The following USP46 variants were observed in gnomAD, a reference collection of about 807,000 sequenced individuals.
USP46 encodes ubiquitin carboxyl-terminal hydrolase 46.
A neutral mutation model predicts 44.4 loss-of-function variants in USP46; 12 were observed. The ratio of observed to expected loss-of-function variants is 0.27; its 90% confidence interval spans 0.17 to 0.44. The LOEUF is 0.44. USP46 is among the 20% of genes least tolerant of loss of function. The pLI is 1.00. For synonymous variants in USP46, 155 were observed against 161.5 expected (o/e 0.96, Z 0.31); for missense variants, 248 against 444.8 (o/e 0.56, Z 3.98).
At chr4:52,610,026 C>G (rs1055403495) in intron 5 of USP46, among the ~76,000 whole-genome samples, 40 of 142,038 alleles carry the variant, frequency 2.8e-4, no homozygotes, top group African/African-American at 1.0e-3. Context: ...CCCGGGTTCA[C>G]GCCATTCTCC....
rs763219440 is a variant in USP46, at chr4:52,625,500, C to T, written c.561+518G>A. Among the ~76,000 whole-genome samples, 104 of 152,260 alleles carry T rather than the reference C, an allele frequency of 6.8e-4. 1 individual carries two copies. Among genetic ancestry groups the T allele is most frequent in the Middle Eastern group, 6.8e-3 (2 of 294 alleles). ...AAATTCAATTAACATTATGTACCTA[C>T]CATGTGTCAGACCCATCCAAACACA... On this transcript the variant is annotated intron_variant, in intron 4 of 8. Transcript: ENST00000441222.
At position 52,635,080 on chromosome 4, in the gene USP46, C is replaced by CTT. The variant is rs74931782; in HGVS notation, c.37-3938_37-3937dup. Among the ~76,000 whole-genome samples, 109 of 135,402 alleles carry CTT rather than the reference C, an allele frequency of 8.1e-4. 3 individuals carry two copies. The highest frequency in any genetic ancestry group is 2.6e-3 in the East Asian group (12 of 4,672). The allele number at this position is 135,402 out of a possible 152,430, so 88.8% of individuals were successfully genotyped here. On this transcript the variant is annotated intron_variant, in intron 1 of 8. Transcript: ENST00000441222. ...TGTCAGCTGGCTGCTTCTACTTCTT[C>CTT]TTTTTTTTTTTTTTTTTGCCTCCTT...
At chr4:52,649,887 A>C (rs1288209378) in intron 1 of USP46, among the ~76,000 whole-genome samples, 1 of 152,196 alleles carries the variant, frequency 6.6e-6, no homozygotes, top group Admixed American at 6.5e-5. Flanking sequence ...CAACTGTGGC[A>C]CTTAAAATAC....
At chr4:52,602,758 T>C (rs1308604332) in intron 6 of USP46, among the ~76,000 whole-genome samples, 1 of 152,244 alleles carries the variant, frequency 6.6e-6, no homozygotes, top group Non-Finnish European at 1.5e-5. Context: ...GAAGATCCTA[T>C]GTGTACATTA....
At chr4:52,598,798 G>GA (rs534147836) in intron 7 of USP46, 92 bp from the exon 8 acceptor site, 187 of 1,223,750 alleles carry the variant, frequency 1.5e-4, no homozygotes, top group Admixed American at 5.4e-4. Context: ...GATTCTCTGG[G>GA]AAAAAAAACT....
intron 4 of USP46, among the ~76,000 whole-genome samples, chr4:52,613,507 T>C (rs1020029886): frequency 2.0e-5 from 3 of 151,880 alleles, no homozygotes; most frequent in African/African-American, 7.3e-5. Context: ...GTGAATCACA[T>C]GGTCAGGAGT....
intron 5 of USP46, among the ~76,000 whole-genome samples, chr4:52,610,075 G>A (rs550581076): frequency 6.0e-5 from 9 of 149,386 alleles, no homozygotes; most frequent in Non-Finnish European, 4.5e-5. Flanking sequence ...ACAGGCGCGC[G>A]CCACCATGCC....
At chr4:52,638,141 G>A (rs1464405418) in intron 1 of USP46, among the ~76,000 whole-genome samples, 1 of 152,202 alleles carries the variant, frequency 6.6e-6, no homozygotes, top group African/African-American at 2.4e-5. Context: ...ACCTTGAGAT[G>A]GGGAGATTAT....
chr4:52,642,092 G>A (rs1441039065), intron 1 of USP46, among the ~76,000 whole-genome samples: 1 of 152,144 alleles, frequency 6.6e-6, no homozygotes, highest in African/African-American at 2.4e-5. Flanking sequence ...GTCTTATGAA[G>A]AAAGTGAAGC....
At chr4:52,598,490 G>T in intron 8 of USP46, 138 bp downstream of exon 8, 1 of 830,966 alleles carries the variant, frequency 1.2e-6, no homozygotes, top group South Asian at 1.6e-5. Context: ...AGCAGAATTT[G>T]GTTTTGAATA....
intron 2 of USP46, among the ~76,000 whole-genome samples, chr4:52,630,631 G>A (rs1008972427): frequency 5.9e-5 from 9 of 151,794 alleles, no homozygotes; most frequent in East Asian, 3.9e-4. Flanking sequence ...CCAGCTACTC[G>A]GGAGGCTGAG....
chr4:52,612,091 G>T (rs1716957651), intron 4 of USP46, among the ~76,000 whole-genome samples: 1 of 152,178 alleles, frequency 6.6e-6, no homozygotes, highest in South Asian at 2.1e-4. Context: ...TAATACATGT[G>T]AAGTGCTTTA....
rs1452514783 is a variant in USP46 at position 52,593,159 on chromosome 4, TA to T, written c.*4480del. On this transcript the variant is annotated 3_prime_UTR_variant, in exon 9 of 9. Transcript: ENST00000441222. ...CTTCATTTTTTTAGTAAAGGTATTTTAAGTATCAATAAAAAGAGAGGAAAGG... is the reference window on the plus strand; with the variant it reads ...CTTCATTTTTTTAGTAAAGGTATTTTAGTATCAATAAAAAGAGAGGAAAGG... 2.6e-6 allele frequency: 1 copy of T among 386,330 alleles called. No individual in the cohort carries two copies. Among genetic ancestry groups the T allele is most frequent in the African/African-American group, 2.1e-5 (1 of 48,360 alleles). The allele number at this position is 386,330 out of a possible 1,614,324, so 23.9% of individuals were successfully genotyped here.
chr4:52,657,415 G>A (rs1273398525), intron 1 of USP46, among the ~76,000 whole-genome samples: 1 of 152,140 alleles, frequency 6.6e-6, no homozygotes, highest in Non-Finnish European at 1.5e-5. Context: ...TCCTCTAGGG[G>A]CATGCTAGCT....
At chr4:52,622,590 C>T (rs1051950978) in intron 4 of USP46, among the ~76,000 whole-genome samples, 2 of 152,070 alleles carry the variant, frequency 1.3e-5, no homozygotes, top group South Asian at 2.1e-4. Context: ...TATCCCTGTC[C>T]TCATCAATCT....
chr4:52,632,990 A>AAAGGAAAGAAAAGAAAG, intron 1 of USP46, among the ~76,000 whole-genome samples: 1 of 66,294 alleles, frequency 1.5e-5, no homozygotes, highest in African/African-American at 6.1e-5. Flanking sequence ...GAAAGAAAAG[A>AAAGGAAAGAAAAGAAAG]AAAGAAAGAA....
At chr4:52,644,930 G>A (rs773845345) in intron 1 of USP46, among the ~76,000 whole-genome samples, 6 of 151,916 alleles carry the variant, frequency 3.9e-5, no homozygotes, top group Non-Finnish European at 7.4e-5. Flanking sequence ...GGTGGCACGC[G>A]CCTGTAAGCC....
At chr4:52,628,396 A>G in intron 2 of USP46, 1 of 473,118 alleles carries the variant, frequency 2.1e-6, no homozygotes, top group Non-Finnish European at 3.8e-6. Context: ...CTAGCCCATC[A>G]AAGTCTCTAA....
intron 5 of USP46, among the ~76,000 whole-genome samples, chr4:52,609,767 T>C (rs1716850311): frequency 6.6e-6 from 1 of 151,848 alleles, no homozygotes; most frequent in Non-Finnish European, 1.5e-5. Context: ...CAGAGGCTAC[T>C]TCATACTCAC....
Sources: allele counts gnomAD v4.1 joint callset (sites outside exome capture counted in the v4.1 genomes callset), GRCh38; gene constraint gnomAD v4.1.1; transcripts MANE v1.5; gene names NCBI Gene and HGNC (gene_info 2026-07-23, HGNC 2026-07-21).